Variants in CABCOCO1 observed in about 807,000 individuals in gnomAD.
CABCOCO1 encodes the protein ciliary associated calcium binding coiled-coil 1.
CABCOCO1 carries 28 observed loss-of-function variants against 35.7 expected under a neutral mutation model. The ratio of observed to expected loss-of-function variants is 0.78; its 90% CI spans 0.58 to 1.07. The LOEUF (loss-of-function observed/expected upper bound fraction) is 1.07. CABCOCO1 is among the 50% of genes least tolerant of loss of function. The probability of loss-of-function intolerance (pLI) is 0.00; values close to 1 mark genes in which losing one functional copy is unlikely to be tolerated. For synonymous variants in CABCOCO1, 95 were observed against 100.1 expected (o/e 0.95, Z 0.30); for missense variants, 326 against 309.2 (o/e 1.05, Z -0.41).
intron 3 of CABCOCO1, among the ~76,000 whole-genome samples, chr10:61,684,458 TCC>T (rs1839894460): frequency 6.6e-6 from 1 of 152,172 alleles, no homozygotes; most frequent in Non-Finnish European, 1.5e-5. Context: ...AGCTGTGTAA[TCC>T]AGAAATACCT....
intron 2 of CABCOCO1, among the ~76,000 whole-genome samples, 192 bp downstream of exon 2, chr10:61,672,927 T>C (rs1389849664): frequency 6.6e-6 from 1 of 152,218 alleles, no homozygotes; most frequent in African/African-American, 2.4e-5. Flanking sequence ...GTCTCCTTTA[T>C]AAAGAAAATA....
chr10:61,671,773 C>T (rs1839368602), intron 1 of CABCOCO1, among the ~76,000 whole-genome samples: 3 of 152,156 alleles, frequency 2.0e-5, no homozygotes, highest in Admixed American at 2.0e-4. Flanking sequence ...GATTACCCTT[C>T]CTTAAAGCAC....
At chr10:61,680,221 A>G (rs1381740249) in intron 2 of CABCOCO1, among the ~76,000 whole-genome samples, 3 of 150,634 alleles carry the variant, frequency 2.0e-5, no homozygotes, top group Non-Finnish European at 4.4e-5. Context: ...CTGAGGAAGA[A>G]GAATCGCTTG....
At chr10:61,722,576 G>A (rs1460943513) in intron 5 of CABCOCO1, among the ~76,000 whole-genome samples, 1 of 151,808 alleles carries the variant, frequency 6.6e-6, no homozygotes, top group African/African-American at 2.4e-5. Flanking sequence ...AAAGAAATCA[G>A]AAGAAAGTCA....
In CABCOCO1 at chr10:61,711,222, A is replaced by G. The variant is rs74729714; in HGVS notation, c.552+20601A>G. Among the ~76,000 whole-genome samples, 1,309 of 152,148 alleles carry G rather than the reference A, an allele frequency of 8.6e-3. 18 individuals carry two copies. Among genetic ancestry groups the G allele is most frequent in the African/African-American group, 0.029 (1,208 of 41,528 alleles). ...AAAGGTAAAGATGATCAGATTGCCA[A>G]CTATTTCACCCACTATATAATTCCT... On this transcript the variant is annotated intron_variant, in intron 5 of 7. Coordinates refer to ENST00000648843, the MANE Select transcript of CABCOCO1 (RefSeq NM_001366906.2).
At chr10:61,665,921 A>G (rs1470009039) in intron 1 of CABCOCO1, among the ~76,000 whole-genome samples, 1 of 152,166 alleles carries the variant, frequency 6.6e-6, no homozygotes, top group Non-Finnish European at 1.5e-5. Context: ...GAATTGAATC[A>G]TAAGTAGTAC....
At chr10:61,680,438 A>AT (rs2131972008) in intron 2 of CABCOCO1, among the ~76,000 whole-genome samples, 1 of 71,558 alleles carries the variant, frequency 1.4e-5, no homozygotes. Context: ...ATATTAACAT[A>AT]TATAATATAT....
At chr10:61,711,129 C>G (rs908322200) in intron 5 of CABCOCO1, among the ~76,000 whole-genome samples, 1 of 151,764 alleles carries the variant, frequency 6.6e-6, no homozygotes, top group Non-Finnish European at 1.5e-5. Context: ...AGTTATCACA[C>G]TAAAAAGAAA....
At chr10:61,723,036 C>T (rs574989989) in intron 5 of CABCOCO1, among the ~76,000 whole-genome samples, 154 of 152,182 alleles carry the variant, frequency 1.0e-3, no homozygotes, top group African/African-American at 3.2e-3. Flanking sequence ...GTCAAAAGTA[C>T]GCTAAAAGGG....
chr10:61,690,900 T>C (rs777440955), intron 5 of CABCOCO1, among the ~76,000 whole-genome samples: 1 of 152,120 alleles, frequency 6.6e-6, no homozygotes, highest in Non-Finnish European at 1.5e-5. Flanking sequence ...TATGTCTTCA[T>C]ACAAATAAAA....
chr10:61,724,990 T>C (rs1841110545), intron 5 of CABCOCO1, among the ~76,000 whole-genome samples: 1 of 152,220 alleles, frequency 6.6e-6, no homozygotes, highest in Non-Finnish European at 1.5e-5. Flanking sequence ...CGAATATCTT[T>C]TTCTTATATT....
Position 61,766,159 on chromosome 10 carries a change from A to G in CABCOCO1, c.*146A>G. 1.4e-6 allele frequency: 1 copy of G among 713,792 alleles called. No homozygotes were observed. The highest frequency in any genetic ancestry group is 2.8e-5 in the East Asian group (1 of 35,802). The allele number at this position is 713,792 out of a possible 1,614,324, so 44.2% of individuals were successfully genotyped here. ...ACTTTTTATTTTCCTAAGTAATTAG[A>G]AAAGTATTGGTCCCAATTTTGCTAT... On this transcript the variant is annotated 3_prime_UTR_variant, in exon 8 of 8. Transcript: ENST00000648843.
intron 1 of CABCOCO1, among the ~76,000 whole-genome samples, chr10:61,669,019 G>GAAAAAAAAAAAAA (rs1564528055): frequency 2.8e-5 from 1 of 35,688 alleles, no homozygotes. Flanking sequence ...TAAGGGTTGG[G>GAAAAAAAAAAAAA]GAAAAAAAAA....
intron 5 of CABCOCO1, among the ~76,000 whole-genome samples, chr10:61,736,321 G>A (rs556903779): frequency 3.9e-5 from 6 of 152,182 alleles, no homozygotes; most frequent in African/African-American, 1.2e-4. Context: ...TTTTATATAT[G>A]GTGTAAGAAA....
intron 1 of CABCOCO1, among the ~76,000 whole-genome samples, chr10:61,669,748 A>T (rs1839301971): frequency 6.6e-6 from 1 of 152,092 alleles, no homozygotes; most frequent in South Asian, 2.1e-4. Context: ...AAAGGTTAAG[A>T]TTATTGGATT....
chr10:61,674,583 T>C (rs773006272), intron 2 of CABCOCO1, among the ~76,000 whole-genome samples: 1 of 152,154 alleles, frequency 6.6e-6, no homozygotes, highest in South Asian at 2.1e-4. Flanking sequence ...GCTTTCAAAA[T>C]GACAGAAATA....
At chr10:61,724,579 T>C (rs1841098390) in intron 5 of CABCOCO1, among the ~76,000 whole-genome samples, 2 of 152,220 alleles carry the variant, frequency 1.3e-5, no homozygotes, top group South Asian at 4.1e-4. Context: ...AAGTAGATTT[T>C]ATATGAGTGA....
chr10:61,722,905 T>G (rs912887408), intron 5 of CABCOCO1, among the ~76,000 whole-genome samples: 4 of 152,144 alleles, frequency 2.6e-5, no homozygotes, highest in African/African-American at 9.7e-5. Context: ...AACAAAGAAG[T>G]CTTCAGAGGG....
intron 5 of CABCOCO1, among the ~76,000 whole-genome samples, chr10:61,743,510 G>T (rs959420525): frequency 6.6e-6 from 1 of 151,940 alleles, no homozygotes. Flanking sequence ...CTACCAATTG[G>T]TTTACTATCA....
Sources: gnomAD v4.1 joint callset for allele counts (sites outside exome capture counted in the v4.1 genomes callset) on GRCh38, gnomAD v4.1.1 for gene constraint, MANE v1.5 for transcripts, NCBI Gene and HGNC (gene_info 2026-07-23, HGNC 2026-07-21) for gene names.